PAX3: variants seen among roughly 807,000 people sequenced by gnomAD.
PAX3 encodes paired box protein Pax-3.
PAX3 carries 14 observed loss-of-function variants against 51.6 expected under a neutral mutation model. The observed-to-expected ratio is 0.27, with a 90% CI of 0.18 to 0.42. The LOEUF (loss-of-function observed/expected upper bound fraction) is 0.42, where lower values mean the gene tolerates loss of function less well. Among genes scored for constraint, PAX3 ranks in the 10% least tolerant of loss-of-function variants. PAX3 has a pLI of 1.00. For synonymous variants in PAX3, 280 were observed against 253.4 expected (o/e 1.11, Z -1.00); for missense variants, 540 against 642.8 (o/e 0.84, Z 1.73).
intron 4 of PAX3, among the ~76,000 whole-genome samples, chr2:222,276,838 C>A (rs977843619): frequency 6.6e-6 from 1 of 152,204 alleles, no homozygotes; most frequent in Non-Finnish European, 1.5e-5. Flanking sequence ...CAAGATCCCC[C>A]CTAAGGGGCT....
At chr2:222,213,653 T>A (rs1691838274) in intron 7 of PAX3, among the ~76,000 whole-genome samples, 1 of 152,156 alleles carries the variant, frequency 6.6e-6, no homozygotes, top group Non-Finnish European at 1.5e-5. Context: ...ATTTCTTTAA[T>A]CAAAATCACT....
Position 222,228,876 on chromosome 2 carries a change from C to T in PAX3, c.792+3202G>A, listed in dbSNP as rs139142390. Among the ~76,000 whole-genome samples, 91 of 152,208 alleles carry T rather than the reference C, an allele frequency of 6.0e-4. 2 individuals carry two copies. In the South Asian group the frequency reaches 0.013, roughly 22 times the overall value. On this transcript the variant is annotated intron_variant, in intron 5 of 8. Transcript: ENST00000392070. ...ATCACTTGAGCTTGGAAGATCGAGG[C>T]TACACAGTGAGCCATGATTAAGCCA...
chr2:222,201,185 G>A lies in PAX3; in HGVS notation c.*223C>T. ...GTTGCATTTGTCTTTTATTGCTCCA[G>A]GTCTTCCTCTTCTCCACTGCTTTTG... is the stretch of plus-strand genomic sequence containing the variant. On this transcript the variant is annotated 3_prime_UTR_variant, in exon 9 of 9. Transcript: ENST00000392070. 1.2e-6 allele frequency: 2 copies of A among 1,613,976 alleles called. No individual in the cohort carries two copies. The highest frequency in any genetic ancestry group is 1.7e-6 in the Non-Finnish European group (2 of 1,179,976).
At chr2:222,268,204 A>G (rs553417410) in intron 4 of PAX3, among the ~76,000 whole-genome samples, 1 of 152,306 alleles carries the variant, frequency 6.6e-6, no homozygotes, top group East Asian at 1.9e-4. Context: ...CATGTTTTGC[A>G]ATTACAAACA....
intron 4 of PAX3, among the ~76,000 whole-genome samples, chr2:222,260,595 T>C (rs1574708546): frequency 9.8e-6 from 1 of 102,388 alleles, no homozygotes; most frequent in African/African-American, 3.3e-5. Flanking sequence ...TTTTTTGTTT[T>C]TTTTTTTTTT....
intron 4 of PAX3, among the ~76,000 whole-genome samples, chr2:222,282,524 A>G (rs1285986831): frequency 1.3e-5 from 2 of 152,208 alleles, no homozygotes; most frequent in African/African-American, 4.8e-5. Flanking sequence ...AAATAAATAC[A>G]AGACCATATT....
At chr2:222,245,152 A>C (rs1169657807) in intron 4 of PAX3, among the ~76,000 whole-genome samples, 1 of 152,232 alleles carries the variant, frequency 6.6e-6, no homozygotes, top group Non-Finnish European at 1.5e-5. Flanking sequence ...TCTCAAAAAA[A>C]GAAAAAGAAA....
chr2:222,204,407 A>G (rs904274697), intron 7 of PAX3, among the ~76,000 whole-genome samples: 18 of 152,248 alleles, frequency 1.2e-4, no homozygotes, highest in African/African-American at 4.3e-4. Flanking sequence ...TGATTTCTAT[A>G]TAAGTGTATA....
At chr2:222,296,629 G>A (rs1464373903) in intron 2 of PAX3, among the ~76,000 whole-genome samples, 1 of 152,178 alleles carries the variant, frequency 6.6e-6, no homozygotes, top group African/African-American at 2.4e-5. Context: ...GTGGGAGCCG[G>A]GAAGACACTT....
chr2:222,265,408 C>T lies in PAX3; in HGVS notation c.586+28759G>A, dbSNP rs73061768. On this transcript the variant is annotated intron_variant, in intron 4 of 8. Coordinates refer to ENST00000392070, the MANE Select transcript of PAX3 (RefSeq NM_181458.4). ...CTCAGCCAGGCCTGTAATCCCAGCA[C>T]TTTGGGAGGCCAAGGCGGGTGGATC... Among the ~76,000 whole-genome samples, 588 of 152,320 alleles carry T rather than the reference C, an allele frequency of 3.9e-3. 8 individuals are homozygous for T. The highest frequency in any genetic ancestry group is 0.014 in the African/African-American group (564 of 41,568).
intron 7 of PAX3, among the ~76,000 whole-genome samples, chr2:222,213,769 T>C (rs1436792221): frequency 6.6e-6 from 1 of 152,190 alleles, no homozygotes; most frequent in Non-Finnish European, 1.5e-5. Context: ...TTCTTCACAA[T>C]GATAAAGGTA....
At chr2:222,249,967 T>G (rs10177516) in intron 4 of PAX3, among the ~76,000 whole-genome samples, 4,224 of 152,258 alleles carry the variant, frequency 0.028, 182 homozygotes, top group African/African-American at 0.092. Context: ...CCACTTGAAA[T>G]CAACCTACCT....
chr2:222,293,703 G>C (rs761255884), intron 4 of PAX3: 2 of 1,613,992 alleles, frequency 1.2e-6, no homozygotes, highest in East Asian at 2.2e-5. Flanking sequence ...GCCCAAAAGA[G>C]TACTCTCTCT....
chr2:222,204,310 A>C (rs1189113513), intron 7 of PAX3, among the ~76,000 whole-genome samples: 2 of 152,176 alleles, frequency 1.3e-5, no homozygotes, highest in Admixed American at 1.3e-4. Flanking sequence ...AAGAACTTGA[A>C]CATAACTAAG....
chr2:222,276,863 A>C (rs1694440864), intron 4 of PAX3, among the ~76,000 whole-genome samples: 1 of 152,254 alleles, frequency 6.6e-6, no homozygotes. Context: ...ACAAAGACAG[A>C]GGATGCTGTG....
chr2:222,259,327 T>C (rs1693759179), intron 4 of PAX3, among the ~76,000 whole-genome samples: 1 of 152,220 alleles, frequency 6.6e-6, no homozygotes. Context: ...ATTCCTGGAA[T>C]CATATGACAT....
intron 4 of PAX3, among the ~76,000 whole-genome samples, chr2:222,237,831 G>T (rs1207607536): frequency 6.6e-6 from 1 of 152,214 alleles, no homozygotes; most frequent in South Asian, 2.1e-4. Context: ...TACAATGAAT[G>T]TAATAAAAAT....
chr2:222,283,283 T>A (rs1173608950), intron 4 of PAX3, among the ~76,000 whole-genome samples: 1 of 152,056 alleles, frequency 6.6e-6, no homozygotes, highest in Non-Finnish European at 1.5e-5. Flanking sequence ...TGCAGAAAAG[T>A]TTATATTGTA....
rs1421885898 is a variant in PAX3 at position 222,298,513 on chromosome 2, G to T, written c.85+18C>A. 15 of 1,584,894 alleles carry T rather than the reference G, an allele frequency of 9.5e-6. No individual in the cohort carries two copies. The highest frequency in any genetic ancestry group is 1.3e-5 in the Non-Finnish European group (15 of 1,164,832). On this transcript the variant is annotated intron_variant, in intron 1 of 8. Coordinates refer to ENST00000392070, the MANE Select transcript of PAX3 (RefSeq NM_181458.4). ...CCAGGCCCTGGGATCCAGGCGGCGC[G>T]CTGAGGCCCTCCCTTACCTTCCAGC...
Sources: gnomAD v4.1 joint callset for allele counts (sites outside exome capture counted in the v4.1 genomes callset) on GRCh38, gnomAD v4.1.1 for gene constraint, MANE v1.5 for transcripts, NCBI Gene and HGNC (gene_info 2026-07-23, HGNC 2026-07-21) for gene names.